Variants in PDS5A observed in about 807,000 individuals in gnomAD.
PDS5A encodes sister chromatid cohesion protein PDS5 homolog A.
Under a neutral mutation model 167.1 loss-of-function variants are expected in PDS5A, and 42 were observed. The ratio of observed to expected loss-of-function variants is 0.25; its 90% CI spans 0.20 to 0.33. The LOEUF is 0.33. Ranked by LOEUF, PDS5A falls within the 10% of genes least tolerant of loss-of-function variation. The pLI, the probability that PDS5A is intolerant of heterozygous loss-of-function variation, is 1.00. For missense variants in PDS5A, 1,033 were observed against 1,605.9 expected (o/e 0.64, Z 6.10); for synonymous variants, 553 against 554.6 (o/e 1.00, Z 0.04).
chr4:39,962,659 C>G (rs1729598065), intron 2 of PDS5A, among the ~76,000 whole-genome samples: 1 of 151,702 alleles, frequency 6.6e-6, no homozygotes, highest in African/African-American at 2.4e-5. Flanking sequence ...CAAAAATTAG[C>G]CAGGTGTGGT....
chr4:39,850,705 C>A (rs1718052704), intron 26 of PDS5A, among the ~76,000 whole-genome samples: 1 of 152,202 alleles, frequency 6.6e-6, no homozygotes, highest in Non-Finnish European at 1.5e-5. Flanking sequence ...GTCACAATCT[C>A]AAACCACTTT....
chr4:39,947,082 A>G (rs1042003327), intron 2 of PDS5A, among the ~76,000 whole-genome samples: 1 of 152,116 alleles, frequency 6.6e-6, no homozygotes, highest in Non-Finnish European at 1.5e-5. Context: ...ATCTCTATTG[A>G]GAAAAAAAAA....
intron 9 of PDS5A, among the ~76,000 whole-genome samples, chr4:39,911,600 A>C (rs974834567): frequency 6.6e-6 from 1 of 152,110 alleles, no homozygotes; most frequent in Non-Finnish European, 1.5e-5. Context: ...TGGGAGGCCG[A>C]GGCGGGCAAA....
At chr4:39,939,512 C>T (rs567509589) in intron 2 of PDS5A, among the ~76,000 whole-genome samples, 6 of 151,396 alleles carry the variant, frequency 4.0e-5, no homozygotes, top group East Asian at 3.9e-4. Flanking sequence ...AGCTTTACTG[C>T]GGCTGGGCAA....
intron 31 of PDS5A, among the ~76,000 whole-genome samples, chr4:39,840,489 C>T (rs7678669): frequency 6.6e-6 from 1 of 151,822 alleles, no homozygotes; most frequent in African/African-American, 2.4e-5. Context: ...TCCACCTCCG[C>T]GGTTCAAGCA....
At position 39,929,519 on chromosome 4, in the gene PDS5A, C is replaced by CTATATATATATATATATATATA. The variant is rs58069502; in HGVS notation, c.139-1377_139-1356dup. Among the ~76,000 whole-genome samples the CTATATATATATATATATATATA allele has an allele frequency of 2.8e-4, 22 of 79,384 alleles. 1 individual carries two copies. Among genetic ancestry groups the CTATATATATATATATATATATA allele is most frequent in the Non-Finnish European group, 4.1e-4 (19 of 45,970 alleles). 52.1% of individuals were successfully genotyped at this position (79,384 alleles called of 152,430 possible). ...GCCTTGTGAGTTAATACTTAATAAA[C>CTATATATATATATATATATATA]TATATATATATATATATATATATAT... On this transcript the variant is annotated intron_variant, in intron 2 of 32. Coordinates refer to ENST00000303538, the MANE Select transcript of PDS5A (RefSeq NM_001100399.2).
At position 39,925,952 on chromosome 4, in the gene PDS5A, A is replaced by T; in HGVS notation, c.430-19T>A. ...CTAAATTCTTAAATAAATAAAAATA[A>T]TTATTGAATTATACATATATACAGA... On this transcript the variant is annotated intron_variant, in intron 4 of 32. Transcript: ENST00000303538. 3.5e-6 allele frequency: 3 copies of T among 857,792 alleles called. No homozygotes were observed. Among genetic ancestry groups the T allele is most frequent in the Non-Finnish European group, 5.2e-6 (3 of 575,812 alleles). The allele number at this position is 857,792 out of a possible 1,614,324, so 53.1% of individuals were successfully genotyped here. A position where few individuals can be genotyped will look rare whatever the true frequency, so the allele number is the denominator to read the frequency against.
chr4:39,933,964 G>A (rs1165403268), intron 2 of PDS5A, among the ~76,000 whole-genome samples: 1 of 152,198 alleles, frequency 6.6e-6, no homozygotes, highest in Non-Finnish European at 1.5e-5. Context: ...TATGGAGTGA[G>A]CTGTTGTGTG....
At chr4:39,920,236 C>A (rs1724822728) in intron 7 of PDS5A, 83 bp downstream of exon 7, 2 of 595,588 alleles carry the variant, frequency 3.4e-6, no homozygotes, top group African/African-American at 1.9e-5. Flanking sequence ...GCTAAATAAA[C>A]TTTTATGTAA....
intron 18 of PDS5A, among the ~76,000 whole-genome samples, chr4:39,879,097 T>A (rs1160252581): frequency 6.6e-6 from 1 of 152,172 alleles, no homozygotes; most frequent in Admixed American, 6.5e-5. Context: ...TTTTTCTATC[T>A]AACATCCATT....
rs1175881142 is a variant in PDS5A at position 39,874,391 on chromosome 4, A to G, written c.2175T>C (p.His725=). The change falls in exon 20 of 33, where the codon CAT becomes CAC. Residue 725 remains histidine, a synonymous_variant. Transcript: ENST00000303538. ...QIRSTLIPIL[H]QKAKRGTPHQ... The stretch of plus-strand genomic sequence containing the variant: ...GTGGAGTACCCCTCTTTGCTTTTTG[A>G]TGTAAAATGGGAATTAAGGTCCTGC... The G allele has an allele frequency of 6.2e-7, 1 of 1,612,864 alleles. No individual in the cohort carries two copies. The highest frequency in any genetic ancestry group is 2.2e-5 in the East Asian group (1 of 44,842).
chr4:39,925,870 T>TA lies in PDS5A; in HGVS notation c.492dup (p.Ile165TyrfsTer5). On this transcript the variant is annotated frameshift_variant, in exon 5 of 33. Transcript: ENST00000303538. LOFTEE classifies it high-confidence loss of function. The stretch of plus-strand genomic sequence containing the variant: ...GAGAAGAGAGTTCTAAAAAGCTGAA[T>TA]AAAAATTTCATTGCAATCTTCCAAT... 1 of 1,513,142 alleles carries TA rather than the reference T, an allele frequency of 6.6e-7. No individual in the cohort carries two copies. Among genetic ancestry groups the TA allele is most frequent in the Non-Finnish European group, 9.0e-7 (1 of 1,105,122 alleles). The allele number at this position is 1,513,142 out of a possible 1,614,324, so 93.7% of individuals were successfully genotyped here. A position where few individuals can be genotyped will look rare whatever the true frequency, so the allele number is the denominator to read the frequency against.
chr4:39,844,557 G>A lies in PDS5A; in HGVS notation c.3548+99C>T, dbSNP rs138306057. 1.2e-5 allele frequency: 10 copies of A among 810,474 alleles called. No homozygotes were observed. The African/African-American group carries it at 1.4e-4, about 11-fold the overall frequency. The allele number at this position is 810,474 out of a possible 1,614,324, so 50.2% of individuals were successfully genotyped here. On this transcript the variant is annotated intron_variant, in intron 30 of 32. Transcript: ENST00000303538. ...CAATATTATTTTGTACCAGAACACC[G>A]CTAATGACAGAAGACCATTTTATGA...
rs574265097 is a variant in PDS5A, at chr4:39,977,138, C to G, written c.-41+319G>C. ...AGCCTCGGACCCGGGGTAGTCCCCG[C>G]CGCGCTGCCACCCCTCCCCTGTTCC... On this transcript the variant is annotated intron_variant, in intron 1 of 32. Coordinates refer to ENST00000303538, the MANE Select transcript of PDS5A (RefSeq NM_001100399.2). The surrounding 1 kb of genome is among the most constrained non-coding windows in gnomAD (Gnocchi z 4.2). Among the ~76,000 whole-genome samples the G allele has an allele frequency of 9.3e-4, 142 of 152,320 alleles. No homozygotes were observed. Among genetic ancestry groups the G allele is most frequent in the Admixed American group, 2.1e-3 (32 of 15,312 alleles).
chr4:39,843,351 T>C (rs1717238170), intron 30 of PDS5A, among the ~76,000 whole-genome samples: 1 of 152,066 alleles, frequency 6.6e-6, no homozygotes, highest in Non-Finnish European at 1.5e-5. Flanking sequence ...TATACTAATT[T>C]GAGTTAAAAA....
chr4:39,906,496 G>GT (rs1723361400), intron 11 of PDS5A, among the ~76,000 whole-genome samples: 4 of 151,850 alleles, frequency 2.6e-5, no homozygotes, highest in African/African-American at 9.7e-5. Context: ...AGGTTTAATA[G>GT]GGTAGGAAAG....
intron 23 of PDS5A, among the ~76,000 whole-genome samples, chr4:39,866,167 T>A (rs146065272): frequency 6.6e-6 from 1 of 152,166 alleles, no homozygotes; most frequent in Admixed American, 6.5e-5. Flanking sequence ...CAGGCTGGAG[T>A]GCGGTGGCAC....
At chr4:39,912,646 C>T (rs1179407146) in intron 9 of PDS5A, among the ~76,000 whole-genome samples, 1 of 152,124 alleles carries the variant, frequency 6.6e-6, no homozygotes, top group African/African-American at 2.4e-5. Context: ...ATCAGTTGAA[C>T]TAAAACAACG....
intron 30 of PDS5A, among the ~76,000 whole-genome samples, chr4:39,842,692 A>C (rs1364986877): frequency 6.6e-6 from 1 of 151,804 alleles, no homozygotes; most frequent in African/African-American, 2.4e-5. Context: ...AATTACCCTG[A>C]TTTGATCACT....
Sources: gnomAD v4.1 joint callset for allele counts (sites outside exome capture counted in the v4.1 genomes callset) on GRCh38, gnomAD v4.1.1 for gene constraint, Gnocchi (gnomAD v3.1) non-coding constraint, MANE v1.5 for transcripts, NCBI Gene and HGNC (gene_info 2026-07-23, HGNC 2026-07-21) for gene names.